Variants in CNTN4 observed in about 807,000 individuals in gnomAD.
The protein encoded by CNTN4 is contactin 4.
Under a neutral mutation model 122.5 loss-of-function variants are expected in CNTN4, and 77 were observed. The observed-to-expected ratio is 0.63, with a 90% CI of 0.52 to 0.76. The LOEUF (loss-of-function observed/expected upper bound fraction) is 0.76, where lower values mean the gene tolerates loss of function less well. Among genes scored for constraint, CNTN4 ranks in the 30% least tolerant of loss-of-function variants. The probability of loss-of-function intolerance (pLI) is 0.00; values close to 1 mark genes in which losing one functional copy is unlikely to be tolerated. For missense variants in CNTN4, 1,256 were observed against 1,259.1 expected, an observed-to-expected ratio of 1.00 and a Z score of 0.04; for synonymous variants, 512 against 447.0, an observed-to-expected ratio of 1.15 and a Z score of -1.83.
At chr3:2,566,630 A>G (rs2079171566) in intron 3 of CNTN4, among the ~76,000 whole-genome samples, 1 of 151,112 alleles carries the variant, frequency 6.6e-6, no homozygotes, top group African/African-American at 2.4e-5. Flanking sequence ...ATTTGAATCC[A>G]AGTTTAAATA....
chr3:2,384,567 A>G lies in CNTN4; in HGVS notation c.-89+45334A>G, dbSNP rs1160933195. Among the ~76,000 whole-genome samples, 3 of 152,234 alleles carry G rather than the reference A, an allele frequency of 2.0e-5. 1 individual carries two copies. Among genetic ancestry groups the G allele is most frequent in the Non-Finnish European group, 4.4e-5 (3 of 68,054 alleles). ...GAAATCATGAGTTTGTCAAAAACAA[A>G]TCTTAAGTCATGGTGAATTGCAAAT... On this transcript the variant is annotated intron_variant, in intron 3 of 24. Transcript: ENST00000418658.
intron 2 of CNTN4, among the ~76,000 whole-genome samples, chr3:2,331,914 G>A (rs1266118671): frequency 1.3e-5 from 2 of 152,098 alleles, no homozygotes; most frequent in African/African-American, 4.8e-5. Context: ...ATCTTGTCTA[G>A]CCCACTGCTA....
chr3:2,567,311 C>G (rs1226004248), intron 3 of CNTN4, among the ~76,000 whole-genome samples: 2 of 152,116 alleles, frequency 1.3e-5, no homozygotes, highest in Non-Finnish European at 2.9e-5. Context: ...TGGTCTTGAT[C>G]TCATGACTTC....
At chr3:3,011,720 G>A (rs1278331340) in intron 14 of CNTN4, among the ~76,000 whole-genome samples, 1 of 152,066 alleles carries the variant, frequency 6.6e-6, no homozygotes, top group Non-Finnish European at 1.5e-5. Flanking sequence ...GGCACATTTT[G>A]TCCTGACTTA....
chr3:2,497,749 A>T (rs1467902090), intron 3 of CNTN4, among the ~76,000 whole-genome samples: 3 of 152,148 alleles, frequency 2.0e-5, no homozygotes, highest in Non-Finnish European at 4.4e-5. Flanking sequence ...TGACTTTTGA[A>T]TCCCTTATAG....
chr3:2,466,388 C>G (rs1360961128), intron 3 of CNTN4, among the ~76,000 whole-genome samples: 1 of 152,182 alleles, frequency 6.6e-6, no homozygotes, highest in Non-Finnish European at 1.5e-5. Context: ...TTGTATCTTT[C>G]ACCAACATCT....
intron 4 of CNTN4, among the ~76,000 whole-genome samples, chr3:2,575,739 T>C: frequency 6.6e-6 from 1 of 152,130 alleles, no homozygotes; most frequent in Non-Finnish European, 1.5e-5. Context: ...TCTATGCTTT[T>C]TATTGCTTGA....
At chr3:2,930,246 G>A (rs895689681) in intron 13 of CNTN4, among the ~76,000 whole-genome samples, 5 of 152,044 alleles carry the variant, frequency 3.3e-5, no homozygotes, top group African/African-American at 4.8e-5. Flanking sequence ...ATTTCCAAGC[G>A]GTTTTAATAA....
rs138265451 is a variant in CNTN4 at position 2,550,327 on chromosome 3, C to T, written c.-88-21089C>T. ...CACTTCTCAAAAGGAGACATTTATG[C>T]GGCCAACAAACATATGAAAAAAATC... On this transcript the variant is annotated intron_variant, in intron 3 of 24. Transcript: ENST00000418658. Among the ~76,000 whole-genome samples, 306 of 152,032 alleles carry T rather than the reference C, an allele frequency of 2.0e-3. 2 individuals carry two copies. The East Asian group carries it at 0.024, about 12-fold the overall frequency.
intron 2 of CNTN4, among the ~76,000 whole-genome samples, chr3:2,159,114 T>C (rs535403505): frequency 3.3e-5 from 5 of 152,264 alleles, no homozygotes; most frequent in African/African-American, 9.6e-5. Flanking sequence ...CTGGAGCACC[T>C]TGACTCTCTT....
intron 3 of CNTN4, among the ~76,000 whole-genome samples, chr3:2,365,438 A>C (rs1357992867): frequency 6.6e-6 from 1 of 152,212 alleles, no homozygotes. Context: ...AGGCCCAGTC[A>C]AATTAATCTT....
intron 2 of CNTN4, among the ~76,000 whole-genome samples, chr3:2,328,598 G>C (rs1190411071): frequency 2.6e-5 from 4 of 151,866 alleles, no homozygotes; most frequent in African/African-American, 9.7e-5. Context: ...CACGTATACA[G>C]TTGGCCCTCC....
chr3:2,368,037 T>TC, intron 3 of CNTN4, among the ~76,000 whole-genome samples: 1 of 146,900 alleles, frequency 6.8e-6, no homozygotes, highest in East Asian at 2.0e-4. Context: ...TTCTTTTTTT[T>TC]TTTTTTTTTT....
chr3:2,602,504 A>G (rs905943704), intron 4 of CNTN4, among the ~76,000 whole-genome samples: 10 of 152,322 alleles, frequency 6.6e-5, no homozygotes, highest in African/African-American at 1.2e-4. Flanking sequence ...TTCAAAGAGA[A>G]TAAAATACCT....
At chr3:2,953,420 C>T (rs1466763741) in intron 13 of CNTN4, among the ~76,000 whole-genome samples, 1 of 151,484 alleles carries the variant, frequency 6.6e-6, no homozygotes, top group Non-Finnish European at 1.5e-5. Context: ...TCCAGGACCG[C>T]ATAGGCCCCT....
chr3:2,145,246 C>A (rs892092748), intron 2 of CNTN4, among the ~76,000 whole-genome samples: 7 of 152,152 alleles, frequency 4.6e-5, no homozygotes, highest in Admixed American at 4.6e-4. Flanking sequence ...TGGTTCCCCC[C>A]CAGAAATAAA....
intron 13 of CNTN4, among the ~76,000 whole-genome samples, chr3:2,956,189 A>C (rs1267217588): frequency 6.6e-6 from 1 of 152,222 alleles, no homozygotes; most frequent in Non-Finnish European, 1.5e-5. Flanking sequence ...TGGACACAAA[A>C]GGACAAATAT....
rs35046806 is a variant in CNTN4 at position 2,679,689 on chromosome 3, A to C, written c.56-56526A>C. On this transcript the variant is annotated intron_variant, in intron 4 of 24. Transcript: ENST00000418658. The stretch of plus-strand genomic sequence containing the variant: ...AGTGGCCAGATTAGAAAAAGGATGC[A>C]TTAGCTCTTGGTTCCTTCTACCCAA... Among the ~76,000 whole-genome samples, 599 of 152,264 alleles carry C rather than the reference A, an allele frequency of 3.9e-3. 3 individuals carry two copies. Among genetic ancestry groups the C allele is most frequent in the African/African-American group, 0.014 (581 of 41,550 alleles).
At chr3:2,291,893 A>G (rs751690577) in intron 2 of CNTN4, among the ~76,000 whole-genome samples, 39 of 151,964 alleles carry the variant, frequency 2.6e-4, no homozygotes, top group Non-Finnish European at 4.7e-4. Context: ...GCTACCATGC[A>G]TGACTAATTT....
Sources: gnomAD v4.1 joint callset for allele counts (sites outside exome capture counted in the v4.1 genomes callset) on GRCh38, gnomAD v4.1.1 for gene constraint, MANE v1.5 for transcripts, NCBI Gene and HGNC (gene_info 2026-07-23, HGNC 2026-07-21) for gene names.